The following CNTNAP5 variants were observed in gnomAD, a reference collection of about 807,000 sequenced individuals.
CNTNAP5 encodes contactin-associated protein-like 5.
CNTNAP5 carries 72 observed loss-of-function variants against 150.2 expected under a neutral mutation model. The ratio of observed to expected loss-of-function variants is 0.48; its 90% confidence interval spans 0.40 to 0.58. The LOEUF (loss-of-function observed/expected upper bound fraction) is 0.58, where lower values mean the gene tolerates loss of function less well. Among genes scored for constraint, CNTNAP5 ranks in the 20% least tolerant of loss-of-function variants. The pLI, the probability that CNTNAP5 is intolerant of heterozygous loss-of-function variation, is 0.00. For missense variants in CNTNAP5, 1,636 were observed against 1,626.2 expected, an observed-to-expected ratio of 1.01 and a Z score of -0.10; for synonymous variants, 672 against 619.8, an observed-to-expected ratio of 1.08 and a Z score of -1.25.
At chr2:124,180,351 A>G (rs925981828) in intron 1 of CNTNAP5, among the ~76,000 whole-genome samples, 4 of 152,214 alleles carry the variant, frequency 2.6e-5, no homozygotes, top group Non-Finnish European at 5.9e-5. Flanking sequence ...TTGCCCCATC[A>G]ATTAATTTCT....
At chr2:124,708,765 G>T (rs1679746672) in intron 13 of CNTNAP5, among the ~76,000 whole-genome samples, 1 of 152,086 alleles carries the variant, frequency 6.6e-6, no homozygotes. Context: ...TCACTTAGTG[G>T]TCATTAATTG....
chr2:124,067,752 A>G (rs949172889), intron 1 of CNTNAP5, among the ~76,000 whole-genome samples: 3 of 152,182 alleles, frequency 2.0e-5, no homozygotes, highest in Admixed American at 6.6e-5. Flanking sequence ...GTGGGAATGG[A>G]GAACACACTG....
chr2:124,510,710 T>G (rs1694567645), intron 8 of CNTNAP5, among the ~76,000 whole-genome samples: 1 of 151,940 alleles, frequency 6.6e-6, no homozygotes, highest in African/African-American at 2.4e-5. Context: ...ATTGCCCTGC[T>G]TTCTGCAGGC....
At chr2:124,423,810 GC>G (rs1481503720) in intron 4 of CNTNAP5, among the ~76,000 whole-genome samples, 1 of 144,904 alleles carries the variant, frequency 6.9e-6, no homozygotes, top group Non-Finnish European at 1.5e-5. Flanking sequence ...GACTACAGGC[GC>G]CCGCTACCAC....
At chr2:124,651,872 C>G (rs930446425) in intron 13 of CNTNAP5, among the ~76,000 whole-genome samples, 2 of 152,124 alleles carry the variant, frequency 1.3e-5, no homozygotes, top group Non-Finnish European at 2.9e-5. Context: ...GGCTCACGCA[C>G]CCCTTCATGG....
chr2:124,684,725 T>C (rs1470581378), intron 13 of CNTNAP5, among the ~76,000 whole-genome samples: 2 of 152,198 alleles, frequency 1.3e-5, no homozygotes, highest in Non-Finnish European at 2.9e-5. Flanking sequence ...ATAGCTCTTA[T>C]TTAATTATTA....
chr2:124,552,849 A>C (rs1695658274), intron 10 of CNTNAP5, among the ~76,000 whole-genome samples: 1 of 152,114 alleles, frequency 6.6e-6, no homozygotes, highest in African/African-American at 2.4e-5. Flanking sequence ...GGACTTTCCA[A>C]TCTCTTTACG....
chr2:124,612,800 C>T (rs996395851), intron 12 of CNTNAP5, among the ~76,000 whole-genome samples: 2 of 152,190 alleles, frequency 1.3e-5, no homozygotes, highest in Non-Finnish European at 2.9e-5. Flanking sequence ...TGCCTGTAAT[C>T]CCAACACTTT....
chr2:124,375,980 G>T (rs1333260637), intron 3 of CNTNAP5, among the ~76,000 whole-genome samples: 1 of 152,094 alleles, frequency 6.6e-6, no homozygotes, highest in Non-Finnish European at 1.5e-5. Flanking sequence ...CCAGGCTTTG[G>T]CCTGCTGTTC....
intron 10 of CNTNAP5, among the ~76,000 whole-genome samples, chr2:124,557,219 T>C (rs1695778641): frequency 6.6e-6 from 1 of 152,152 alleles, no homozygotes; most frequent in Non-Finnish European, 1.5e-5. Context: ...TTATGGTCTC[T>C]ATCTTACTTC....
At chr2:124,710,046 A>T (rs1326685438) in intron 13 of CNTNAP5, among the ~76,000 whole-genome samples, 1 of 152,082 alleles carries the variant, frequency 6.6e-6, no homozygotes, top group East Asian at 1.9e-4. Flanking sequence ...ACTTTTTGCC[A>T]TCTGTAGTGA....
intron 1 of CNTNAP5, among the ~76,000 whole-genome samples, chr2:124,118,209 A>G (rs1683475009): frequency 6.6e-6 from 1 of 152,170 alleles, no homozygotes; most frequent in African/African-American, 2.4e-5. Context: ...TGTTTAAAAT[A>G]CATACACACA....
intron 11 of CNTNAP5, among the ~76,000 whole-genome samples, chr2:124,567,462 T>C (rs545224927): frequency 3.7e-4 from 56 of 152,366 alleles, no homozygotes; most frequent in African/African-American, 1.3e-3. Flanking sequence ...CTTTCCCATA[T>C]GAAGAGGAAA....
At chr2:124,703,583 G>A (rs918500209) in intron 13 of CNTNAP5, among the ~76,000 whole-genome samples, 1 of 152,090 alleles carries the variant, frequency 6.6e-6, no homozygotes, top group African/African-American at 2.4e-5. Context: ...TTAGCACATC[G>A]CACTTAACTA....
At chr2:124,664,918 G>A (rs1007514737) in intron 13 of CNTNAP5, among the ~76,000 whole-genome samples, 17 of 152,148 alleles carry the variant, frequency 1.1e-4, no homozygotes, top group Admixed American at 9.2e-4. Flanking sequence ...ATCTCCTGAC[G>A]TCAGGTGATC....
At chr2:124,319,911 A>G (rs1248829694) in intron 3 of CNTNAP5, among the ~76,000 whole-genome samples, 1 of 152,218 alleles carries the variant, frequency 6.6e-6, no homozygotes, top group African/African-American at 2.4e-5. Context: ...CTATATATTA[A>G]AAGGCATGCA....
At position 124,918,995 on chromosome 2, in the gene CNTNAP5, C is replaced by T. The variant is rs531041487; in HGVS notation, c.*4707C>T. 6.6e-6 allele frequency among the ~76,000 whole-genome samples: 1 copy of T among 152,184 alleles called. No homozygotes were observed. The highest frequency in any genetic ancestry group is 1.9e-4 in the East Asian group (1 of 5,152). On this transcript the variant is annotated 3_prime_UTR_variant, in exon 24 of 24. Coordinates refer to ENST00000682447, the MANE Select transcript of CNTNAP5 (RefSeq NM_001367498.1). ...ACTGTTCTTGAGTCTTTCTTGACCT[C>T]TTCTTTTATCCCCTCTTTCATAGTC... is the stretch of plus-strand genomic sequence containing the variant.
intron 16 of CNTNAP5, among the ~76,000 whole-genome samples, chr2:124,765,785 G>A (rs543188120): frequency 1.3e-5 from 2 of 151,884 alleles, no homozygotes; most frequent in East Asian, 2.0e-4. Flanking sequence ...GTGAAACCCC[G>A]TCGCCACTAA....
At chr2:124,297,531 C>T (rs1688464546) in intron 3 of CNTNAP5, among the ~76,000 whole-genome samples, 2 of 152,016 alleles carry the variant, frequency 1.3e-5, no homozygotes, top group Admixed American at 6.6e-5. Context: ...AAAAAGTTCC[C>T]ACATTTCTGC....
Sources: gnomAD v4.1 joint callset for allele counts (sites outside exome capture counted in the v4.1 genomes callset) on GRCh38, gnomAD v4.1.1 for gene constraint, MANE v1.5 for transcripts, NCBI Gene and HGNC (gene_info 2026-07-23, HGNC 2026-07-21) for gene names.